Variants in SNTB1 observed in about 807,000 individuals in gnomAD.
The protein encoded by SNTB1 is syntrophin beta 1, also known as beta-1-syntrophin.
In SNTB1, 36 loss-of-function variants were observed where a neutral mutation model predicts 48.9. The ratio of observed to expected loss-of-function variants is 0.74; its 90% CI spans 0.56 to 0.97. The LOEUF is 0.97. Ranked by LOEUF, SNTB1 falls within the 50% of genes least tolerant of loss-of-function variation. SNTB1 has a pLI of 0.00. For synonymous variants in SNTB1, 299 were observed against 294.6 expected (o/e 1.01, Z -0.15); for missense variants, 786 against 703.4 (o/e 1.12, Z -1.33).
At chr8:120,762,790 T>C (rs11989539) in intron 1 of SNTB1, among the ~76,000 whole-genome samples, 32,498 of 151,946 alleles carry the variant, frequency 0.21, 3,550 homozygotes, top group Middle Eastern at 0.27. Context: ...TAGTAGACAG[T>C]GTGCACTCAA....
chr8:120,744,777 T>C (rs1481336111), intron 1 of SNTB1, among the ~76,000 whole-genome samples: 1 of 152,198 alleles, frequency 6.6e-6, no homozygotes, highest in African/African-American at 2.4e-5. Flanking sequence ...TGTATTGCTG[T>C]CTCTTCTTCT....
At chr8:120,794,526 C>T (rs1160796693) in intron 1 of SNTB1, among the ~76,000 whole-genome samples, 3 of 151,740 alleles carry the variant, frequency 2.0e-5, no homozygotes, top group Admixed American at 6.6e-5. Context: ...AAAATATGTA[C>T]TATGAGGTGC....
intron 4 of SNTB1, among the ~76,000 whole-genome samples, chr8:120,572,235 G>A (rs554398314): frequency 1.6e-4 from 25 of 152,144 alleles, no homozygotes; most frequent in Admixed American, 3.9e-4. Context: ...ATCTTGCTCA[G>A]GTCAGATGCT....
intron 3 of SNTB1, among the ~76,000 whole-genome samples, chr8:120,622,925 A>G (rs73708915): frequency 0.087 from 13,235 of 152,182 alleles, 895 homozygotes; most frequent in African/African-American, 0.18. Context: ...GGCTGATGGG[A>G]ATGGCCACTC....
At chr8:120,779,155 T>C (rs75207499) in intron 1 of SNTB1, among the ~76,000 whole-genome samples, 5,864 of 152,246 alleles carry the variant, frequency 0.039, 373 homozygotes, top group African/African-American at 0.13. Flanking sequence ...CAAGGATTTT[T>C]GAGCAGGCAA....
In SNTB1 at chr8:120,804,288, G is replaced by A. The variant is rs184989874; in HGVS notation, c.571+6985C>T. 3.0e-4 allele frequency among the ~76,000 whole-genome samples: 45 copies of A among 148,394 alleles called. No homozygotes were observed. The Admixed American group carries it at 3.1e-3, about 10-fold the overall frequency. On this transcript the variant is annotated intron_variant, in intron 1 of 6. Coordinates refer to ENST00000517992, the MANE Select transcript of SNTB1 (RefSeq NM_021021.4). Reference sequence around the variant, plus strand: ...CACCCATCCATTCATCCACCCTTTAGCATTTTTTCCTTTCTAACACATTTT... The same window carrying A: ...CACCCATCCATTCATCCACCCTTTAACATTTTTTCCTTTCTAACACATTTT...
In SNTB1 at chr8:120,548,961, G is replaced by GGAGA. The variant is rs138861807; in HGVS notation, c.1137-7_1137-4dup. ...TTCCTGGACCTGAATGGACCAGCCT[G>GGAGA]GAGAGAGAGAGAGAGAGACATCATC... On this transcript the variant is annotated splice_polypyrimidine_tract_variant and splice_region_variant and intron_variant, in intron 4 of 6. Coordinates refer to ENST00000517992, the MANE Select transcript of SNTB1 (RefSeq NM_021021.4). 7 of 1,516,896 alleles carry GGAGA rather than the reference G, an allele frequency of 4.6e-6. No individual in the cohort carries two copies. The Admixed American group carries it at 8.3e-5, about 18-fold the overall frequency. The allele number at this position is 1,516,896 out of a possible 1,614,324, so 94.0% of individuals were successfully genotyped here.
At chr8:120,596,401 A>G (rs1357691972) in intron 3 of SNTB1, among the ~76,000 whole-genome samples, 1 of 152,170 alleles carries the variant, frequency 6.6e-6, no homozygotes, top group African/African-American at 2.4e-5. Context: ...TATTAAACCC[A>G]CTGTTTACAG....
chr8:120,559,328 T>C (rs940793073), intron 4 of SNTB1, among the ~76,000 whole-genome samples: 3 of 152,214 alleles, frequency 2.0e-5, no homozygotes, highest in African/African-American at 7.2e-5. Context: ...AAGTTGCCTA[T>C]TTTTTGAAAA....
intron 2 of SNTB1, among the ~76,000 whole-genome samples, chr8:120,689,293 C>T (rs1266814414): frequency 6.6e-6 from 1 of 152,172 alleles, no homozygotes; most frequent in Non-Finnish European, 1.5e-5. Flanking sequence ...GGTTTTAGCT[C>T]CCAGGACACC....
intron 2 of SNTB1, among the ~76,000 whole-genome samples, chr8:120,682,114 A>G (rs527287661): frequency 3.9e-5 from 6 of 152,242 alleles, no homozygotes; most frequent in East Asian, 1.9e-4. Flanking sequence ...AAAAAAAGGT[A>G]ATGTAAGCAA....
intron 1 of SNTB1, among the ~76,000 whole-genome samples, chr8:120,774,554 G>A (rs78283851): frequency 0.039 from 5,924 of 152,310 alleles, 152 homozygotes; most frequent in South Asian, 0.078. Context: ...GTGAATGAGA[G>A]AGGAGTGTAA....
chr8:120,563,142 G>C (rs1815690705), intron 4 of SNTB1, among the ~76,000 whole-genome samples: 1 of 152,034 alleles, frequency 6.6e-6, no homozygotes, highest in Non-Finnish European at 1.5e-5. Flanking sequence ...CTGGGACTGG[G>C]TATGCAGAAT....
chr8:120,811,830 G>GCCGCCGCCT lies in SNTB1; in HGVS notation c.13_14insAGGCGGCGG (p.Ala4_Ala5insGluAlaAla). The GCCGCCGCCT allele has an allele frequency of 7.4e-7, 1 of 1,343,954 alleles. No homozygotes were observed. The highest frequency in any genetic ancestry group is 4.1e-5 in the Admixed American group (1 of 24,228). The allele number at this position is 1,343,954 out of a possible 1,614,324, so 83.3% of individuals were successfully genotyped here. On this transcript the variant is annotated inframe_insertion, in exon 1 of 7. Transcript: ENST00000517992. ...AGCCGGCCCAGCCGCCGCCGCCGCC[G>GCCGCCGCCT]CCGCTACCGCCATCTTTCCGGCATT...
At chr8:120,718,805 C>A (rs925497858) in intron 1 of SNTB1, among the ~76,000 whole-genome samples, 20 of 152,060 alleles carry the variant, frequency 1.3e-4, no homozygotes, top group African/African-American at 4.8e-4. Context: ...AGTATGTTTT[C>A]TCTCTGTGGT....
intron 3 of SNTB1, among the ~76,000 whole-genome samples, chr8:120,601,529 T>C (rs1026990941): frequency 6.6e-6 from 1 of 152,144 alleles, no homozygotes; most frequent in Non-Finnish European, 1.5e-5. Flanking sequence ...AAGACACAGT[T>C]TTAAAGTCCT....
At chr8:120,777,617 A>G (rs544662955) in intron 1 of SNTB1, among the ~76,000 whole-genome samples, 1 of 152,218 alleles carries the variant, frequency 6.6e-6, no homozygotes. Flanking sequence ...CTTCATGAAG[A>G]GGATTAATGA....
intron 4 of SNTB1, among the ~76,000 whole-genome samples, chr8:120,550,236 G>A (rs1313218782): frequency 6.6e-6 from 1 of 152,114 alleles, no homozygotes; most frequent in Non-Finnish European, 1.5e-5. Context: ...CCTTTAGGTT[G>A]GAAGAGTCAT....
chr8:120,699,130 T>C (rs1305276530), intron 1 of SNTB1, among the ~76,000 whole-genome samples: 1 of 152,172 alleles, frequency 6.6e-6, no homozygotes, highest in African/African-American at 2.4e-5. Context: ...AATGATCCAA[T>C]ATGGCTGCTG....
Sources: allele counts gnomAD v4.1 joint callset (sites outside exome capture counted in the v4.1 genomes callset), GRCh38; gene constraint gnomAD v4.1.1; transcripts MANE v1.5; gene names NCBI Gene and HGNC (gene_info 2026-07-23, HGNC 2026-07-21).